Variants in PIK3AP1 observed in about 807,000 individuals in gnomAD.
PIK3AP1 encodes phosphoinositide 3-kinase adapter protein 1.
PIK3AP1 carries 21 observed loss-of-function variants against 88.1 expected under a neutral mutation model. The ratio of observed to expected loss-of-function variants is 0.24; its 90% confidence interval spans 0.17 to 0.34. The LOEUF is 0.34. PIK3AP1 is among the 10% of genes least tolerant of loss of function. PIK3AP1 has a pLI of 1.00. For synonymous variants in PIK3AP1, 398 were observed against 400.0 expected (o/e 1.00, Z 0.06); for missense variants, 828 against 1,035.7 (o/e 0.80, Z 2.75).
At chr10:96,655,903 C>T (rs879548601) in intron 3 of PIK3AP1, among the ~76,000 whole-genome samples, 1 of 152,140 alleles carries the variant, frequency 6.6e-6, no homozygotes, top group Non-Finnish European at 1.5e-5. Context: ...TTATCAGTAG[C>T]GTGAAAACAG....
In PIK3AP1 at chr10:96,595,106, A is replaced by G. The variant is rs1848732497; in HGVS notation, c.*471T>C. ...CACTTAAATACCCTGCTGAATATACAGAAAAGTAGAAGAATTATTTTAAAA... is the reference window on the plus strand; with the variant it reads ...CACTTAAATACCCTGCTGAATATACGGAAAAGTAGAAGAATTATTTTAAAA... On this transcript the variant is annotated 3_prime_UTR_variant, in exon 17 of 17. Coordinates refer to ENST00000339364, the MANE Select transcript of PIK3AP1 (RefSeq NM_152309.3). The G allele has an allele frequency of 6.2e-6, 1 of 160,762 alleles. No individual in the cohort carries two copies. Among genetic ancestry groups the G allele is most frequent in the African/African-American group, 2.4e-5 (1 of 41,510 alleles). 10.0% of individuals were successfully genotyped at this position (160,762 alleles called of 1,614,324 possible).
chr10:96,622,202 G>T (rs949106229), intron 11 of PIK3AP1, among the ~76,000 whole-genome samples: 1 of 152,216 alleles, frequency 6.6e-6, no homozygotes, highest in Non-Finnish European at 1.5e-5. Flanking sequence ...CTTCCAGCTG[G>T]CTACCCTTGG....
At chr10:96,690,413 C>T (rs1454489602) in intron 2 of PIK3AP1, among the ~76,000 whole-genome samples, 2 of 147,890 alleles carry the variant, frequency 1.4e-5, no homozygotes, top group East Asian at 2.0e-4. Flanking sequence ...TAGGTGTGCA[C>T]CACCATGCCC....
At chr10:96,599,603 C>G (rs1848849836) in intron 16 of PIK3AP1, among the ~76,000 whole-genome samples, 1 of 152,150 alleles carries the variant, frequency 6.6e-6, no homozygotes, top group Admixed American at 6.5e-5. Flanking sequence ...CCAGATCTGA[C>G]AGTGGAGTCT....
At chr10:96,632,552 CAT>C (rs141256296) in intron 8 of PIK3AP1, among the ~76,000 whole-genome samples, 26,860 of 152,072 alleles carry the variant, frequency 0.18, 2,516 homozygotes, top group Admixed American at 0.28. Context: ...CTGTGGAGCA[CAT>C]GTGTGTGGAT....
chr10:96,597,267 TTTCTTTCCTTCC>T lies in PIK3AP1; in HGVS notation c.2361-1645_2361-1634del, dbSNP rs1435075796. Among the ~76,000 whole-genome samples, 403 of 122,262 alleles carry T rather than the reference TTTCTTTCCTTCC, an allele frequency of 3.3e-3. 1 individual carries two copies. The highest frequency in any genetic ancestry group is 9.3e-3 in the South Asian group (39 of 4,216). 80.2% of individuals were successfully genotyped at this position (122,262 alleles called of 152,430 possible). On this transcript the variant is annotated intron_variant, in intron 16 of 16. Coordinates refer to ENST00000339364, the MANE Select transcript of PIK3AP1 (RefSeq NM_152309.3). ...TCTGCCTTCTTTTTTTCTTTCTTTC[TTTCTTTCCTTCC>T]TTCCTTCCTTCCTTCCTTCCTTCCT...
intron 2 of PIK3AP1, among the ~76,000 whole-genome samples, chr10:96,704,787 T>C (rs1844341514): frequency 6.6e-6 from 1 of 151,890 alleles, no homozygotes; most frequent in Non-Finnish European, 1.5e-5. Flanking sequence ...AAGGAGTCAG[T>C]ATATGCATAT....
intron 2 of PIK3AP1, among the ~76,000 whole-genome samples, chr10:96,679,098 A>T (rs1589533273): frequency 6.6e-6 from 1 of 152,350 alleles, no homozygotes; most frequent in Admixed American, 6.5e-5. Flanking sequence ...GATGATCAGA[A>T]TTTGAAAGAA....
chr10:96,642,443 ACAG>A (rs1843403603), intron 8 of PIK3AP1, among the ~76,000 whole-genome samples: 1 of 122,796 alleles, frequency 8.1e-6, no homozygotes, highest in Admixed American at 8.6e-5. Context: ...AAAAAAAAAA[ACAG>A]AAAGAAAGAA....
At chr10:96,663,450 T>C (rs916853446) in intron 2 of PIK3AP1, among the ~76,000 whole-genome samples, 1 of 151,356 alleles carries the variant, frequency 6.6e-6, no homozygotes, top group Non-Finnish European at 1.5e-5. Flanking sequence ...GCCAACATGG[T>C]GAAACTCCGT....
At chr10:96,609,530 A>T (rs540975013) in intron 14 of PIK3AP1, among the ~76,000 whole-genome samples, 182 bp downstream of exon 14, 1 of 152,352 alleles carries the variant, frequency 6.6e-6, no homozygotes. Context: ...ACTAGGTTTC[A>T]TGGGATACAA....
rs191794432 is a variant in PIK3AP1 at position 96,715,379 on chromosome 10, G to A, written c.13+5003C>T. Among the ~76,000 whole-genome samples the A allele has an allele frequency of 3.4e-3, 520 of 152,266 alleles. 2 individuals carry two copies. The highest frequency in any genetic ancestry group is 6.8e-3 in the Middle Eastern group (2 of 294). On this transcript the variant is annotated intron_variant, in intron 1 of 16. Transcript: ENST00000339364. Reference sequence around the variant, plus strand: ...CCTGAGATGGGCTCCTGGAACAGAAGAAGGACATTACATAAAAACTAAGGA... The same window carrying A: ...CCTGAGATGGGCTCCTGGAACAGAAAAAGGACATTACATAAAAACTAAGGA...
intron 2 of PIK3AP1, among the ~76,000 whole-genome samples, chr10:96,682,009 T>TAG (rs1844008183): frequency 7.8e-6 from 1 of 128,668 alleles, no homozygotes. Context: ...TATATATATA[T>TAG]ATATAGAGAG....
intron 8 of PIK3AP1, among the ~76,000 whole-genome samples, chr10:96,643,627 C>G (rs1407221231): frequency 6.6e-6 from 1 of 152,196 alleles, no homozygotes; most frequent in Non-Finnish European, 1.5e-5. Flanking sequence ...ATGGCAAACA[C>G]CTAACAACCT....
intron 3 of PIK3AP1, among the ~76,000 whole-genome samples, 196 bp downstream of exon 3, chr10:96,656,602 G>A (rs1383294788): frequency 6.6e-6 from 1 of 152,152 alleles, no homozygotes; most frequent in African/African-American, 2.4e-5. Context: ...ATCTCCCTGG[G>A]CTAGTCTCTC....
chr10:96,659,851 A>G lies in PIK3AP1; in HGVS notation c.431-2917T>C, dbSNP rs540404825. 9.2e-5 allele frequency among the ~76,000 whole-genome samples: 14 copies of G among 152,274 alleles called. No homozygotes were observed. The South Asian group carries it at 2.7e-3, about 29-fold the overall frequency. On this transcript the variant is annotated intron_variant, in intron 2 of 16. Coordinates refer to ENST00000339364, the MANE Select transcript of PIK3AP1 (RefSeq NM_152309.3). ...TCCTCAGTTTTAAAATAATATTTAG[A>G]GTAAAAGCCACACAACCTTCTTTGA...
At chr10:96,654,689 C>T (rs1310509843) in intron 3 of PIK3AP1, among the ~76,000 whole-genome samples, 1 of 152,196 alleles carries the variant, frequency 6.6e-6, no homozygotes, top group Non-Finnish European at 1.5e-5. Flanking sequence ...CCTGGGATAA[C>T]AGGCAGTCAA....
intron 3 of PIK3AP1, 133 bp from the exon 4 acceptor site, chr10:96,652,975 G>A (rs1314067523): frequency 4.0e-6 from 4 of 1,004,696 alleles, no homozygotes; most frequent in Admixed American, 2.5e-5. Context: ...GGACTCAGTG[G>A]TCCAGTGCTG....
chr10:96,711,211 A>C (rs918675012), intron 1 of PIK3AP1, among the ~76,000 whole-genome samples: 1 of 152,212 alleles, frequency 6.6e-6, no homozygotes, highest in African/African-American at 2.4e-5. Flanking sequence ...GCCAGAACTG[A>C]CACTCAGGTT....
Sources: allele counts gnomAD v4.1 joint callset (sites outside exome capture counted in the v4.1 genomes callset), GRCh38; gene constraint gnomAD v4.1.1; transcripts MANE v1.5; gene names NCBI Gene and HGNC (gene_info 2026-07-23, HGNC 2026-07-21).